The following SRP68 variants were observed in gnomAD, a reference collection of about 807,000 sequenced individuals.
The protein encoded by SRP68 is signal recognition particle 68, also known as signal recognition particle subunit SRP68.
Under a neutral mutation model 82.2 loss-of-function variants are expected in SRP68, and 15 were observed. The observed-to-expected ratio is 0.18, with a 90% CI of 0.12 to 0.28. The LOEUF is 0.28. Among genes scored for constraint, SRP68 ranks in the 10% least tolerant of loss-of-function variants. The probability of loss-of-function intolerance (pLI) is 1.00; values close to 1 mark genes in which losing one functional copy is unlikely to be tolerated. For missense variants in SRP68, 595 were observed against 780.5 expected (o/e 0.76, Z 2.83); for synonymous variants, 261 against 292.6 (o/e 0.89, Z 1.10).
intron 4 of SRP68, among the ~76,000 whole-genome samples, chr17:76,062,762 TATAAA>T (rs2066776309): frequency 7.4e-5 from 6 of 81,404 alleles, no homozygotes; most frequent in African/African-American, 3.1e-4. Context: ...TATATATATA[TATAAA>T]ATATATATAT....
intron 4 of SRP68, 131 bp downstream of exon 4, chr17:76,063,841 AAAGC>A: frequency 1.5e-6 from 1 of 668,028 alleles, no homozygotes; most frequent in Non-Finnish European, 2.3e-6. Context: ...TCTCCTCTTA[AAAGC>A]AAGTTCGGAA....
At chr17:76,042,172 C>T (rs1314818331) in intron 13 of SRP68, among the ~76,000 whole-genome samples, 4 of 152,030 alleles carry the variant, frequency 2.6e-5, no homozygotes, top group Admixed American at 1.3e-4. Flanking sequence ...GCGTGAGCCA[C>T]GGTGCCCGGC....
In SRP68 at chr17:76,072,202, T is replaced by C; in HGVS notation, c.184+106A>G. 2 of 1,568,964 alleles carry C rather than the reference T, an allele frequency of 1.3e-6. No individual in the cohort carries two copies. Among genetic ancestry groups the C allele is most frequent in the East Asian group, 4.7e-5 (2 of 42,230 alleles). ...GTAAGGGCGAGAGAAACTGCAACCC[T>C]CGGCCTCTCCTGCCAGGACTTGTCG... On this transcript the variant is annotated intron_variant, in intron 1 of 15. Transcript: ENST00000307877. This position sits in a 1 kb window ranked among gnomAD's most constrained non-coding sequence, Gnocchi z 4.5.
chr17:76,061,446 A>G (rs879013527), intron 5 of SRP68, 46 bp downstream of exon 5: 1 of 1,529,698 alleles, frequency 6.5e-7, no homozygotes, highest in Non-Finnish European at 9.0e-7. Context: ...TAAATTTGAC[A>G]ATCTGTAATT....
At chr17:76,061,288 C>A in intron 5 of SRP68, 69 bp from the exon 6 acceptor site, 1 of 1,161,652 alleles carries the variant, frequency 8.6e-7, no homozygotes, top group Non-Finnish European at 1.3e-6. Context: ...AACACAGTGA[C>A]TAAAAACAAA....
chr17:76,057,063 A>T (rs1663353267), intron 8 of SRP68, among the ~76,000 whole-genome samples: 1 of 152,222 alleles, frequency 6.6e-6, no homozygotes, highest in East Asian at 1.9e-4. Context: ...TTACGACAAC[A>T]TGTCAGAGAA....
In SRP68 at chr17:76,071,538, G is replaced by A. The variant is rs1448338951; in HGVS notation, c.184+770C>T. On this transcript the variant is annotated intron_variant, in intron 1 of 15. Coordinates refer to ENST00000307877, the MANE Select transcript of SRP68 (RefSeq NM_014230.4). This position sits in a 1 kb window ranked among gnomAD's most constrained non-coding sequence, Gnocchi z 4.7. ...ATCAGGGCTCGCTAGCGTCTACTTGGAACTATTACCAGTAATTCAAAATAT... is the reference window on the plus strand; with the variant it reads ...ATCAGGGCTCGCTAGCGTCTACTTGAAACTATTACCAGTAATTCAAAATAT... 6.6e-6 allele frequency among the ~76,000 whole-genome samples: 1 copy of A among 152,158 alleles called. No individual in the cohort carries two copies. The highest frequency in any genetic ancestry group is 1.5e-5 in the Non-Finnish European group (1 of 68,034).
chr17:76,072,117 G>C lies in SRP68; in HGVS notation c.184+191C>G. 2 of 1,123,394 alleles carry C rather than the reference G, an allele frequency of 1.8e-6. No homozygotes were observed. The highest frequency in any genetic ancestry group is 2.5e-6 in the Non-Finnish European group (2 of 801,510). 69.6% of individuals were successfully genotyped at this position (1,123,394 alleles called of 1,614,324 possible). On this transcript the variant is annotated intron_variant, in intron 1 of 15. Transcript: ENST00000307877. The surrounding 1 kb of genome is among the most constrained non-coding windows in gnomAD (Gnocchi z 4.5). ...AACGGACCTAGCCAGGACGGCGAGG[G>C]GGACACGAGGAAAGACTAGTCGAGA...
chr17:76,052,714 G>T (rs1219613633), intron 8 of SRP68, among the ~76,000 whole-genome samples: 1 of 151,088 alleles, frequency 6.6e-6, no homozygotes, highest in African/African-American at 2.4e-5. Context: ...TGAGGCAGGA[G>T]AATGGCGTGA....
chr17:76,054,628 G>C (rs1381050567), intron 8 of SRP68, among the ~76,000 whole-genome samples: 1 of 152,036 alleles, frequency 6.6e-6, no homozygotes, highest in Non-Finnish European at 1.5e-5. Context: ...GAGGCGGGTG[G>C]ATTGCCTGAA....
Position 76,039,576 on chromosome 17 carries a change from A to T in SRP68, c.*130T>A. 1 of 847,288 alleles carries T rather than the reference A, an allele frequency of 1.2e-6. No homozygotes were observed. The highest frequency in any genetic ancestry group is 1.8e-6 in the Non-Finnish European group (1 of 540,948). 52.5% of individuals were successfully genotyped at this position (847,288 alleles called of 1,614,324 possible). On this transcript the variant is annotated 3_prime_UTR_variant, in exon 16 of 16. Transcript: ENST00000307877. ...GTACAGACACAAGATGTAGGAATGC[A>T]GGGCCGAAGATGTTAAACTCTTGCC...
chr17:76,056,794 C>G (rs975258387), intron 8 of SRP68, among the ~76,000 whole-genome samples: 1 of 152,154 alleles, frequency 6.6e-6, no homozygotes, highest in Non-Finnish European at 1.5e-5. Flanking sequence ...TGTCCTTTAA[C>G]TCATGTGGAA....
In SRP68 at chr17:76,060,362, C is replaced by T. The variant is rs1397045387; in HGVS notation, c.783G>A (p.Met261Ile). The T allele has an allele frequency of 1.2e-6, 2 of 1,612,138 alleles. No homozygotes were observed. Among genetic ancestry groups the T allele is most frequent in the Admixed American group, 3.4e-5 (2 of 59,572 alleles). ...TGCCCCCAGACCTCAATCTCATCTG[C>T]ATGAGTTCATTGATGGCTGACTGGT... ...IGDQSAINEL[M>I]QMRLRSGGTE... Residue 261 changes from methionine to isoleucine, a missense_variant, in exon 7 of 16, where the codon ATG (methionine) becomes ATA (isoleucine). Physicochemically the swap from Met to Ile is conservative, Grantham distance 10 (BLOSUM62 1). Around this residue, in one of 2 missense-constraint regions of SRP68, gnomAD observed 495 missense variants for 688.6 expected, o/e 0.72. Coordinates refer to ENST00000307877, the MANE Select transcript of SRP68 (RefSeq NM_014230.4).
At position 76,067,205 on chromosome 17, in the gene SRP68, A is replaced by G; in HGVS notation, c.365+12T>C. 6.3e-7 allele frequency: 1 copy of G among 1,587,596 alleles called. No homozygotes were observed. Among genetic ancestry groups the G allele is most frequent in the South Asian group, 1.1e-5 (1 of 90,434 alleles). On this transcript the variant is annotated intron_variant, in intron 3 of 15. Transcript: ENST00000307877. ...AAGAAGTAATTTGCAACTAGCATGG[A>G]GCAGTCAATACCTATTATCGGTCAG...
intron 8 of SRP68, among the ~76,000 whole-genome samples, chr17:76,055,819 T>TC (rs2066710060): frequency 6.8e-6 from 1 of 147,200 alleles, no homozygotes; most frequent in Admixed American, 6.7e-5. Flanking sequence ...TTTTTTTTTT[T>TC]TTTTTTTGGA....
At chr17:76,055,955 C>A (rs750599660) in intron 8 of SRP68, among the ~76,000 whole-genome samples, 1 of 151,348 alleles carries the variant, frequency 6.6e-6, no homozygotes, top group African/African-American at 2.4e-5. Flanking sequence ...TACAGGTGCA[C>A]GCCACCACGC....
rs765266237 is a variant in SRP68, at chr17:76,060,330, C to T, written c.815G>A (p.Gly272Asp). ...TACCTCCAATTTTTCAGCCAAGAGA[C>T]CCTCAGTGCCCCCAGACCTCAATCT... ...QMRLRSGGTE[G>D]LLAEKLEALI... Residue 272 changes from glycine (G) to aspartate (D), a missense_variant, in exon 7 of 16, where the codon GGT (glycine) becomes GAT (aspartate). Coordinates refer to ENST00000307877, the MANE Select transcript of SRP68 (RefSeq NM_014230.4). The T allele has an allele frequency of 1.9e-6, 3 of 1,610,556 alleles. No homozygotes were observed. The highest frequency in any genetic ancestry group is 1.7e-6 in the Non-Finnish European group (2 of 1,179,154).
chr17:76,052,597 G>T (rs2066681545), intron 8 of SRP68, among the ~76,000 whole-genome samples: 1 of 151,910 alleles, frequency 6.6e-6, no homozygotes, highest in South Asian at 2.1e-4. Flanking sequence ...GAGCTCAGGA[G>T]ATCGAGACCA....
chr17:76,062,682 A>T (rs1194844346), intron 4 of SRP68, among the ~76,000 whole-genome samples: 1 of 44,934 alleles, frequency 2.2e-5, no homozygotes, highest in African/African-American at 2.5e-4. Context: ...TATATAATAT[A>T]TAATATACAT....
Sources: gnomAD v4.1 joint callset for allele counts (sites outside exome capture counted in the v4.1 genomes callset) on GRCh38, gnomAD v4.1.1 for gene constraint, gnomAD v4.1.1 regional missense constraint, Gnocchi (gnomAD v3.1) non-coding constraint, MANE v1.5 for transcripts, NCBI Gene and HGNC (gene_info 2026-07-23, HGNC 2026-07-21) for gene names.